The following C12orf42 variants were observed in gnomAD, a reference collection of about 807,000 sequenced individuals.
C12orf42 encodes the protein uncharacterized protein C12orf42.
Under a neutral mutation model 21.6 loss-of-function variants are expected in C12orf42, and 25 were observed. The observed-to-expected ratio is 1.16, with a 90% CI of 0.84 to 1.62. The LOEUF is 1.62. Ranked by LOEUF, C12orf42 falls within the 40% of genes most tolerant of loss-of-function variation. The pLI, the probability that C12orf42 is intolerant of heterozygous loss-of-function variation, is 0.00. For missense variants in C12orf42, 483 were observed against 459.3 expected (o/e 1.05, Z -0.47); for synonymous variants, 174 against 175.0 (o/e 0.99, Z 0.05).
At chr12:103,204,412 T>C in the C12orf42 span, among the ~76,000 whole-genome samples, 1 of 152,208 alleles carries the variant, frequency 6.6e-6, no homozygotes, top group African/African-American at 2.4e-5. Flanking sequence ...ACTGAAATGA[T>C]CATGTCTACT....
At chr12:103,055,974 T>C in the C12orf42 span, among the ~76,000 whole-genome samples, 6 of 152,088 alleles carry the variant, frequency 3.9e-5, no homozygotes, top group African/African-American at 1.4e-4. Context: ...TCTATTTTGG[T>C]ATAGATCCTT....
At chr12:103,346,914 T>C (rs1464241293) in intron 4 of C12orf42, among the ~76,000 whole-genome samples, 1 of 152,198 alleles carries the variant, frequency 6.6e-6, no homozygotes, top group Non-Finnish European at 1.5e-5. Flanking sequence ...CTGTTTAGTC[T>C]TAAGGAAAGT....
intron 2 of C12orf42, among the ~76,000 whole-genome samples, chr12:103,449,088 T>TAGAC (rs1951765080): frequency 1.4e-5 from 2 of 143,298 alleles, no homozygotes; most frequent in Non-Finnish European, 3.1e-5. Flanking sequence ...ATATGATAGA[T>TAGAC]AGATAGATAG....
upstream of C12orf42, among the ~76,000 whole-genome samples, chr12:103,500,573 A>G (rs1358340824): frequency 6.6e-6 from 1 of 152,240 alleles, no homozygotes; most frequent in Non-Finnish European, 1.5e-5. Context: ...AGAAATTCAC[A>G]TGATGAAGAT....
At chr12:103,450,111 G>A (rs1436632004) in intron 2 of C12orf42, among the ~76,000 whole-genome samples, 1 of 151,792 alleles carries the variant, frequency 6.6e-6, no homozygotes, top group Non-Finnish European at 1.5e-5. Flanking sequence ...ATTAGGTTTA[G>A]GTTTTCACCT....
chr12:103,267,171 A>G (rs1463856203), downstream of C12orf42, among the ~76,000 whole-genome samples: 3 of 152,118 alleles, frequency 2.0e-5, no homozygotes, highest in African/African-American at 7.2e-5. Flanking sequence ...AAGGCCATCA[A>G]TTCCAGGAAG....
chr12:103,312,221 C>G (rs975535280), intron 4 of C12orf42, among the ~76,000 whole-genome samples: 1 of 152,150 alleles, frequency 6.6e-6, no homozygotes, highest in Non-Finnish European at 1.5e-5. Flanking sequence ...GTTTAGGACC[C>G]AGGTCTTCAG....
rs888580262 is a variant in C12orf42 at position 103,484,013 on chromosome 12, A to G, written c.-21-5566T>C. ...AACTCATCCTTTTTTATGGCTGCAT[A>G]GTATTCCATGGTGTATACGTGCCAC... On this transcript the variant is annotated intron_variant, in intron 1 of 5. Coordinates refer to ENST00000548883, the MANE Select transcript of C12orf42 (RefSeq NM_198521.5). Among the ~76,000 whole-genome samples the G allele has an allele frequency of 3.3e-5, 5 of 152,346 alleles. No individual in the cohort carries two copies. The East Asian group carries it at 9.6e-4, about 29-fold the overall frequency.
At chr12:103,098,569 C>G in the C12orf42 span, among the ~76,000 whole-genome samples, 1 of 152,184 alleles carries the variant, frequency 6.6e-6, no homozygotes, top group African/African-American at 2.4e-5. Context: ...GAAATCAATG[C>G]ATGTCATCTC....
the C12orf42 span, among the ~76,000 whole-genome samples, chr12:103,106,528 T>G: frequency 6.6e-6 from 1 of 151,932 alleles, no homozygotes; most frequent in South Asian, 2.1e-4. Flanking sequence ...AAAAGTGGCA[T>G]GAGTGATCTA....
At chr12:103,191,571 A>AAAAAAAAAAAG in the C12orf42 span, among the ~76,000 whole-genome samples, 3 of 117,788 alleles carry the variant, frequency 2.5e-5, no homozygotes, top group East Asian at 2.5e-4. Flanking sequence ...AAAAAAAAAA[A>AAAAAAAAAAAG]AAATACAAAA....
intron 1 of C12orf42, among the ~76,000 whole-genome samples, chr12:103,486,592 C>T (rs552167083): frequency 3.9e-5 from 6 of 152,228 alleles, no homozygotes; most frequent in South Asian, 4.1e-4. Flanking sequence ...TCCGGTCCTG[C>T]ACTTTTTTTG....
chr12:103,507,853 T>C, the C12orf42 span, among the ~76,000 whole-genome samples: 1 of 152,102 alleles, frequency 6.6e-6, no homozygotes, highest in African/African-American at 2.4e-5. Flanking sequence ...TCCTGGCATG[T>C]TGAAGAACCC....
intron 3 of C12orf42, among the ~76,000 whole-genome samples, chr12:103,399,805 T>C (rs1477283480): frequency 6.6e-6 from 1 of 152,116 alleles, no homozygotes; most frequent in Admixed American, 6.6e-5. Context: ...GGTATAATAC[T>C]GGAATACATA....
the C12orf42 span, among the ~76,000 whole-genome samples, chr12:103,196,805 G>A: frequency 6.6e-6 from 1 of 151,888 alleles, no homozygotes; most frequent in South Asian, 2.1e-4. Context: ...GAGCTTACAG[G>A]TGTCATTGAA....
chr12:103,073,146 G>A, the C12orf42 span, among the ~76,000 whole-genome samples: 1 of 152,078 alleles, frequency 6.6e-6, no homozygotes, highest in Non-Finnish European at 1.5e-5. Context: ...CGGACATATA[G>A]AGGGGAACAA....
At chr12:103,150,906 A>T in the C12orf42 span, among the ~76,000 whole-genome samples, 1 of 152,208 alleles carries the variant, frequency 6.6e-6, no homozygotes, top group South Asian at 2.1e-4. Flanking sequence ...CTGTATATGA[A>T]GATTTCCTCA....
chr12:103,139,266 G>A, the C12orf42 span, among the ~76,000 whole-genome samples: 1 of 152,032 alleles, frequency 6.6e-6, no homozygotes, highest in Admixed American at 6.6e-5. Context: ...ATTGTTATTG[G>A]ATACTATTTT....
At chr12:103,443,110 G>T (rs986621037) in intron 2 of C12orf42, among the ~76,000 whole-genome samples, 1 of 152,196 alleles carries the variant, frequency 6.6e-6, no homozygotes, top group African/African-American at 2.4e-5. Flanking sequence ...AGAATAAACT[G>T]AAATCAAACA....
Sources: allele counts gnomAD v4.1 joint callset (sites outside exome capture counted in the v4.1 genomes callset), GRCh38; gene constraint gnomAD v4.1.1; transcripts MANE v1.5; gene names NCBI Gene and HGNC (gene_info 2026-07-23, HGNC 2026-07-21).